The following MYCBP2 variants were observed in gnomAD, a reference collection of about 807,000 sequenced individuals.
MYCBP2 encodes MYC binding protein 2, also known as E3 ubiquitin-protein ligase MYCBP2.
A neutral mutation model predicts 525.3 loss-of-function variants in MYCBP2; 120 were observed. That is an observed-to-expected ratio of 0.23 (90% CI 0.20 to 0.27). The LOEUF (loss-of-function observed/expected upper bound fraction) is 0.27, where lower values mean the gene tolerates loss of function less well. Ranked by LOEUF, MYCBP2 falls within the 10% of genes least tolerant of loss-of-function variation. MYCBP2 has a pLI of 1.00. For synonymous variants in MYCBP2, 1,894 were observed against 1,955.8 expected, an observed-to-expected ratio of 0.97 and a Z score of 0.83; for missense variants, 4,149 against 5,657.1, an observed-to-expected ratio of 0.73 and a Z score of 8.55.
chr13:77,171,400 G>C (rs1312712886), intron 38 of MYCBP2, 92 bp downstream of exon 38: 66 of 1,272,568 alleles, frequency 5.2e-5, no homozygotes, highest in Non-Finnish European at 6.7e-5. Flanking sequence ...CTATAAAATT[G>C]TATAATAGAA....
At chr13:77,073,747 A>C (rs995134587) in intron 68 of MYCBP2, among the ~76,000 whole-genome samples, 2 of 152,144 alleles carry the variant, frequency 1.3e-5, no homozygotes, top group Admixed American at 1.3e-4. Context: ...AGAAATGAAC[A>C]ATTGGAAAGT....
In MYCBP2 at chr13:77,176,598, G is replaced by T; in HGVS notation, c.5371C>A (p.His1791Asn). 6.3e-7 allele frequency: 1 copy of T among 1,584,100 alleles called. No individual in the cohort carries two copies. The change falls in exon 36 of 83, where the codon CAC becomes AAC. Residue 1791 changes from histidine (H) to asparagine (N), a missense_variant. By Grantham distance (68) the His-to-Asn change is moderately conservative. Coordinates refer to ENST00000544440, the MANE Select transcript of MYCBP2 (RefSeq NM_015057.5). ...SEHAGDSTHS[H>N]RWTSLELVKG... ...ACTAATTCCAGAGATGTCCATCTGTGGGAATGAGTTGAATCTCCTGCATGT... is the reference window on the plus strand; with the variant it reads ...ACTAATTCCAGAGATGTCCATCTGTTGGAATGAGTTGAATCTCCTGCATGT...
chr13:77,203,051 T>C (rs1332098390), intron 26 of MYCBP2, among the ~76,000 whole-genome samples: 8 of 151,148 alleles, frequency 5.3e-5, no homozygotes, highest in African/African-American at 1.5e-4. Flanking sequence ...CCAGGGCAAT[T>C]AGGCAGGAGA....
chr13:77,303,264 T>G lies in MYCBP2; in HGVS notation c.303-6590A>C, dbSNP rs187761438. Reference sequence around the variant, plus strand: ...AGGAGAATCGCTTGAACCCGAGAGGTGGCGGTTGCAGTGTGCGTAGATCAC... The same window carrying G: ...AGGAGAATCGCTTGAACCCGAGAGGGGGCGGTTGCAGTGTGCGTAGATCAC... On this transcript the variant is annotated intron_variant, in intron 1 of 82. Transcript: ENST00000544440. Among the ~76,000 whole-genome samples the G allele has an allele frequency of 1.7e-3, 254 of 152,204 alleles. 4 individuals are homozygous for G. Among genetic ancestry groups the G allele is most frequent in the African/African-American group, 5.4e-3 (225 of 41,526 alleles).
chr13:77,122,827 C>G (rs559451243), intron 54 of MYCBP2, among the ~76,000 whole-genome samples: 2 of 152,186 alleles, frequency 1.3e-5, no homozygotes, highest in South Asian at 2.1e-4. Context: ...TATCCCTTTA[C>G]CAGCATTTGT....
chr13:77,288,413 T>C (rs1022265115), intron 2 of MYCBP2, 37 bp from the exon 3 acceptor site: 2 of 1,528,934 alleles, frequency 1.3e-6, no homozygotes, highest in African/African-American at 2.7e-5. Context: ...TTTCACACTC[T>C]TTTCTATCAT....
intron 26 of MYCBP2, among the ~76,000 whole-genome samples, chr13:77,201,925 C>G (rs1263836204): frequency 6.6e-6 from 1 of 151,882 alleles, no homozygotes; most frequent in Admixed American, 6.6e-5. Context: ...GCACTAAATG[C>G]CCACAAGAGG....
chr13:77,292,958 C>CAA (rs548135428), intron 2 of MYCBP2, among the ~76,000 whole-genome samples: 13,198 of 61,036 alleles, frequency 0.22, 944 homozygotes, highest in Admixed American at 0.28. Flanking sequence ...GACTCCGTCT[C>CAA]AAAAAAAAAA....
In MYCBP2 at chr13:77,263,826, T is replaced by C. The variant is rs955242511; in HGVS notation, c.1432-37A>G. The C allele has an allele frequency of 3.7e-6, 6 of 1,611,698 alleles. No homozygotes were observed. In the African/African-American group the frequency reaches 6.7e-5, roughly 18 times the overall value. Reference sequence around the variant, plus strand: ...AAAACATCCACAGCATTACATTACATAAAGAGGTCGTTCAAGGCTCTACAG... The same window carrying C: ...AAAACATCCACAGCATTACATTACACAAAGAGGTCGTTCAAGGCTCTACAG... On this transcript the variant is annotated intron_variant, in intron 9 of 82. Transcript: ENST00000544440.
chr13:77,245,865 C>T (rs200327011), intron 15 of MYCBP2, among the ~76,000 whole-genome samples: 5 of 121,448 alleles, frequency 4.1e-5, no homozygotes, highest in Admixed American at 1.7e-4. Flanking sequence ...CACACACACA[C>T]ATATATATAC....
chr13:77,056,661 T>C (rs1268833956), intron 79 of MYCBP2, among the ~76,000 whole-genome samples: 2 of 152,224 alleles, frequency 1.3e-5, no homozygotes, highest in African/African-American at 4.8e-5. Flanking sequence ...TTCTTCTTTT[T>C]GGTAGCCGTT....
intron 20 of MYCBP2, among the ~76,000 whole-genome samples, chr13:77,222,933 A>T (rs1463244710): frequency 6.6e-6 from 1 of 152,176 alleles, no homozygotes; most frequent in Admixed American, 6.6e-5. Flanking sequence ...TGGCATATAC[A>T]CTGTGACTGC....
At chr13:77,150,137 A>G (rs986436115) in intron 47 of MYCBP2, among the ~76,000 whole-genome samples, 2 of 152,186 alleles carry the variant, frequency 1.3e-5, no homozygotes, top group Admixed American at 6.5e-5. Context: ...TATTTTTTAA[A>G]TGTCTAAAGG....
At position 77,077,339 on chromosome 13, in the gene MYCBP2, C is replaced by G. The variant is rs890529485; in HGVS notation, c.11533G>C (p.Gly3845Arg). 5 of 1,613,980 alleles carry G rather than the reference C, an allele frequency of 3.1e-6. No homozygotes were observed. The highest frequency in any genetic ancestry group is 4.2e-6 in the Non-Finnish European group (5 of 1,179,918). ...HIGWVTSELP[G>R]GDNHIIKIEL... Reference sequence around the variant, plus strand: ...ATTTTTATGATGTGATTATCCCCTCCTGGAAGTTCACTTGTTACCCAGCCA... The same window carrying G: ...ATTTTTATGATGTGATTATCCCCTCGTGGAAGTTCACTTGTTACCCAGCCA... Residue 3845 changes from glycine to arginine, a missense_variant, in exon 67 of 83, where the codon GGA becomes CGA. By Grantham distance (125) the Gly-to-Arg change is moderately radical. Transcript: ENST00000544440.
intron 52 of MYCBP2, among the ~76,000 whole-genome samples, chr13:77,138,583 G>T (rs2054113009): frequency 6.6e-6 from 1 of 152,120 alleles, no homozygotes; most frequent in Non-Finnish European, 1.5e-5. Context: ...ACGAAGTGTG[G>T]GTTATTATTA....
chr13:77,125,224 G>T, intron 54 of MYCBP2, 112 bp downstream of exon 54: 2 of 1,352,568 alleles, frequency 1.5e-6, no homozygotes, highest in Non-Finnish European at 2.0e-6. Context: ...AGTTTTGCTT[G>T]TTAAAAAGCA....
In MYCBP2 at chr13:77,263,939, G is replaced by C; in HGVS notation, c.1421C>G (p.Ala474Gly). 6.2e-7 allele frequency: 1 copy of C among 1,612,198 alleles called. No individual in the cohort carries two copies. ...TDGEYINQIAASRDDGFVVRI... is the reference protein window; with the variant it reads ...TDGEYINQIAGSRDDGFVVRI... ...ATTCAGGATACTTACATCTCTTGAA[G>C]CAGCTATCTGATTAATATATTCTCC... Residue 474 changes from alanine to glycine, a missense_variant, in exon 9 of 83, where the codon GCT becomes GGT. Ala to Gly is a moderately conservative substitution (Grantham distance 60). This residue lies in a region of MYCBP2 where 262 missense variants were observed against 419.3 expected (regional missense o/e 0.62). Transcript: ENST00000544440.
intron 4 of MYCBP2, among the ~76,000 whole-genome samples, chr13:77,278,023 G>A (rs530779864): frequency 3.3e-4 from 50 of 152,162 alleles, no homozygotes; most frequent in Middle Eastern, 3.4e-3. Context: ...GGCAAGAATC[G>A]GAACATACTT....
intron 2 of MYCBP2, among the ~76,000 whole-genome samples, chr13:77,295,209 A>G (rs2078042661): frequency 6.6e-6 from 1 of 152,136 alleles, no homozygotes; most frequent in South Asian, 2.1e-4. Context: ...ATCTCAGCTC[A>G]CTGCAACCTG....
Sources: gnomAD v4.1 joint callset for allele counts (sites outside exome capture counted in the v4.1 genomes callset) on GRCh38, gnomAD v4.1.1 for gene constraint, gnomAD v4.1.1 regional missense constraint, MANE v1.5 for transcripts, NCBI Gene and HGNC (gene_info 2026-07-23, HGNC 2026-07-21) for gene names.